DCLRE1C: variants seen among roughly 807,000 people sequenced by gnomAD.
DCLRE1C encodes the protein protein artemis.
DCLRE1C carries 47 observed loss-of-function variants against 61.4 expected under a neutral mutation model. The observed-to-expected ratio is 0.77, with a 90% CI of 0.61 to 0.98. The LOEUF is 0.98. Ranked by LOEUF, DCLRE1C falls within the 50% of genes least tolerant of loss-of-function variation. DCLRE1C has a pLI of 0.00. For missense variants in DCLRE1C, 858 were observed against 816.0 expected (o/e 1.05, Z -0.63); for synonymous variants, 337 against 287.6 (o/e 1.17, Z -1.74).
At chr10:14,922,877 ACAAAC>A (rs1837346603) in intron 12 of DCLRE1C, 99 bp downstream of exon 12, 2 of 873,294 alleles carry the variant, frequency 2.3e-6, no homozygotes, top group Non-Finnish European at 3.9e-6. Flanking sequence ...ATGTCCCAAA[ACAAAC>A]AGATTCTAGA....
chr10:14,908,208 C>A lies in DCLRE1C; in HGVS notation c.*200G>T. ...TTTTTGTAAGTAGAGACACATTTCA[C>A]TGTGTTGGCCAGGCTGGTGTCGAAC... On this transcript the variant is annotated 3_prime_UTR_variant, in exon 14 of 14. Coordinates refer to ENST00000378278, the MANE Select transcript of DCLRE1C (RefSeq NM_001033855.3). 2.7e-5 allele frequency: 8 copies of A among 300,558 alleles called. No homozygotes were observed. Among genetic ancestry groups the A allele is most frequent in the East Asian group, 8.6e-5 (1 of 11,612 alleles). 18.6% of individuals were successfully genotyped at this position (300,558 alleles called of 1,614,324 possible).
intron 3 of DCLRE1C, among the ~76,000 whole-genome samples, chr10:14,940,445 C>T (rs1357433864): frequency 1.3e-5 from 2 of 152,028 alleles, no homozygotes; most frequent in Non-Finnish European, 2.9e-5. Context: ...CCCGCTACTA[C>T]GCAAGGCTGA....
chr10:14,936,406 C>A (rs1839928224), intron 5 of DCLRE1C, 132 bp downstream of exon 5: 2 of 694,210 alleles, frequency 2.9e-6, no homozygotes, highest in East Asian at 5.6e-5. Context: ...CGTCAGCCTC[C>A]CAAAGCACTG....
chr10:14,911,190 C>A (rs1008380735), intron 13 of DCLRE1C: 2 of 152,270 alleles, frequency 1.3e-5, no homozygotes, highest in Admixed American at 1.3e-4. Flanking sequence ...CAGAACTCAC[C>A]GTGCCAGGAA....
downstream of DCLRE1C, chr10:14,901,048 C>G (rs1014389613): frequency 1.4e-5 from 22 of 1,517,870 alleles, no homozygotes; most frequent in Middle Eastern, 2.2e-4. Context: ...AACTAAATCT[C>G]TAGGAAAGTA....
chr10:14,928,248 C>A, intron 9 of DCLRE1C, 96 bp from the exon 10 acceptor site: 2 of 1,083,798 alleles, frequency 1.8e-6, no homozygotes, highest in Non-Finnish European at 2.7e-6. Flanking sequence ...AGTTTCCAGA[C>A]ACGAAAAAAT....
At chr10:14,903,015 T>C (rs1218657637), downstream of DCLRE1C, 1 of 152,312 alleles carries the variant, frequency 6.6e-6, no homozygotes, top group Non-Finnish European at 1.5e-5. Context: ...TTATACTGTT[T>C]TCTACTTTTC....
At position 14,938,563 on chromosome 10, in the gene DCLRE1C, T is replaced by C. The variant is rs114399900; in HGVS notation, c.306+1247A>G. On this transcript the variant is annotated intron_variant, in intron 4 of 13. Transcript: ENST00000378278. ...GCAACAAAGCCAATATTAACCAAAA[T>C]AGGAAAATACCTACCAGCTGTAAAG... is the stretch of plus-strand genomic sequence containing the variant. Among the ~76,000 whole-genome samples the C allele has an allele frequency of 8.8e-3, 1,344 of 151,944 alleles. 19 individuals are homozygous for C. The highest frequency in any genetic ancestry group is 0.031 in the African/African-American group (1,276 of 41,438).
At chr10:14,938,594 A>T (rs1451512058) in intron 4 of DCLRE1C, among the ~76,000 whole-genome samples, 4 of 152,188 alleles carry the variant, frequency 2.6e-5, no homozygotes, top group Non-Finnish European at 4.4e-5. Flanking sequence ...TAAAGGTTAA[A>T]AAAAGGGGGG....
chr10:14,926,409 C>T (rs536394032), intron 11 of DCLRE1C, among the ~76,000 whole-genome samples: 1 of 152,268 alleles, frequency 6.6e-6, no homozygotes, highest in South Asian at 2.1e-4. Flanking sequence ...TAACCCAGCA[C>T]TTTGGGAGGC....
exon 14 of DCLRE1C, chr10:14,898,239 G>T (rs11259380): frequency 2.3e-5 from 2 of 85,674 alleles, no homozygotes; most frequent in Admixed American, 1.7e-4. Context: ...TTGAGAAGTA[G>T]TACTGTTATG....
At chr10:14,930,680 G>A (rs372260121) in intron 9 of DCLRE1C, among the ~76,000 whole-genome samples, 2 of 151,972 alleles carry the variant, frequency 1.3e-5, no homozygotes, top group Non-Finnish European at 2.9e-5. Flanking sequence ...TGATCCACAC[G>A]CCTCGGCCTC....
At chr10:14,940,488 G>C (rs941447127) in intron 3 of DCLRE1C, among the ~76,000 whole-genome samples, 1 of 151,910 alleles carries the variant, frequency 6.6e-6, no homozygotes, top group African/African-American at 2.4e-5. Flanking sequence ...ACAGGGTTTT[G>C]ACATGTTGGC....
chr10:14,909,281 C>T lies in DCLRE1C; in HGVS notation c.1206G>A (p.Arg402=). ...LFDDPLPIPL[R]HKVPYPETFH... is the part of the protein sequence containing the mutation. ...AAGTTTCCGGGTATGGAACTTTGTG[C>T]CTTAAAGGTATTGGCAGAGGATCAT... The change falls in exon 14 of 14, where the codon AGG becomes AGA. Residue 402 remains arginine (R), a synonymous_variant. Transcript: ENST00000378278. 6.2e-7 allele frequency: 1 copy of T among 1,613,672 alleles called. No homozygotes were observed. The highest frequency in any genetic ancestry group is 8.5e-7 in the Non-Finnish European group (1 of 1,179,924).
At chr10:14,913,224 G>A (rs900748182) in intron 13 of DCLRE1C, among the ~76,000 whole-genome samples, 21 of 152,204 alleles carry the variant, frequency 1.4e-4, no homozygotes, top group Middle Eastern at 3.2e-3. Flanking sequence ...GATTAGTTGC[G>A]GCCTAAGGCC....
chr10:14,900,445 G>A (rs1833925135), downstream of DCLRE1C, among the ~76,000 whole-genome samples: 1 of 152,184 alleles, frequency 6.6e-6, no homozygotes, highest in Admixed American at 6.5e-5. Context: ...GGATTTCATA[G>A]TAAGAAATTG....
chr10:14,897,552 A>G (rs756175138), exon 14 of DCLRE1C: 1 of 1,472,904 alleles, frequency 6.8e-7, no homozygotes, highest in Non-Finnish European at 9.0e-7. Flanking sequence ...AATGATGGAC[A>G]TGCAAGGTTT....
In DCLRE1C at chr10:14,954,075, G is replaced by C. The variant is rs555818065; in HGVS notation, c.-65C>G. ...GCTGAAGCCAAGGCCAGCCCTGACC[G>C]CGCCGCCACTTCCGGGAAGCCGCGC... On this transcript the variant is annotated 5_prime_UTR_variant, in exon 1 of 14. Transcript: ENST00000378278. The C allele has an allele frequency of 8.7e-6, 14 of 1,604,852 alleles. No homozygotes were observed. In the African/African-American group the frequency reaches 1.9e-4, roughly 21 times the overall value.
chr10:14,948,770 T>TATATATATATATATA (rs1554800030), intron 2 of DCLRE1C, among the ~76,000 whole-genome samples: 110 of 143,676 alleles, frequency 7.7e-4, no homozygotes, highest in African/African-American at 2.7e-3. Context: ...TTTGGTAGGA[T>TATATATATATATATA]TATATATATA....
Sources: allele counts gnomAD v4.1 joint callset (sites outside exome capture counted in the v4.1 genomes callset), GRCh38; gene constraint gnomAD v4.1.1; transcripts MANE v1.5; gene names NCBI Gene and HGNC (gene_info 2026-07-23, HGNC 2026-07-21).